The following NEK11 variants were observed in gnomAD, a reference collection of about 807,000 sequenced individuals.
The protein encoded by NEK11 is serine/threonine-protein kinase Nek11.
NEK11 carries 72 observed loss-of-function variants against 80.7 expected under a neutral mutation model. The ratio of observed to expected loss-of-function variants is 0.89; its 90% CI spans 0.74 to 1.08. The LOEUF (loss-of-function observed/expected upper bound fraction) is 1.08, where lower values mean the gene tolerates loss of function less well. Among genes scored for constraint, NEK11 ranks in the 50% least tolerant of loss-of-function variants. The pLI is 0.00. For synonymous variants in NEK11, 251 were observed against 260.7 expected, an observed-to-expected ratio of 0.96 and a Z score of 0.36; for missense variants, 764 against 763.6, an observed-to-expected ratio of 1.00 and a Z score of -0.01.
intron 17 of NEK11, among the ~76,000 whole-genome samples, chr3:131,321,163 A>G (rs2096893607): frequency 6.6e-6 from 1 of 152,186 alleles, no homozygotes; most frequent in African/African-American, 2.4e-5. Context: ...CACATAGACC[A>G]ATGGAACAGA....
At chr3:131,095,532 A>G (rs1171890850) in intron 4 of NEK11, among the ~76,000 whole-genome samples, 1 of 151,044 alleles carries the variant, frequency 6.6e-6, no homozygotes, top group East Asian at 1.9e-4. Context: ...CTGTATATAC[A>G]GTATTTTTTA....
chr3:131,317,417 C>T (rs1402134361), intron 17 of NEK11, among the ~76,000 whole-genome samples: 1 of 152,088 alleles, frequency 6.6e-6, no homozygotes, highest in Non-Finnish European at 1.5e-5. Context: ...ATACACTGCT[C>T]CCACTCATTG....
At chr3:131,038,319 T>C (rs190444620) in intron 3 of NEK11, among the ~76,000 whole-genome samples, 1 of 152,082 alleles carries the variant, frequency 6.6e-6, no homozygotes, top group Admixed American at 6.6e-5. Flanking sequence ...TATTTAAAGT[T>C]TGGGAGATGG....
chr3:131,178,448 T>G (rs1453946134), intron 14 of NEK11, among the ~76,000 whole-genome samples: 1 of 152,256 alleles, frequency 6.6e-6, no homozygotes, highest in Non-Finnish European at 1.5e-5. Context: ...CTTTTTTATA[T>G]CATTCTATAA....
intron 17 of NEK11, among the ~76,000 whole-genome samples, chr3:131,282,569 A>C (rs2096413703): frequency 6.6e-6 from 1 of 152,166 alleles, no homozygotes; most frequent in Admixed American, 6.5e-5. Context: ...GTGAGGGCTG[A>C]AGTCAACTAT....
intron 15 of NEK11, 131 bp downstream of exon 15, chr3:131,228,819 T>A: frequency 1.1e-6 from 1 of 873,602 alleles, no homozygotes; most frequent in Non-Finnish European, 1.7e-6. Flanking sequence ...TAGCTACTTG[T>A]GGTAAGTCTG....
chr3:131,060,308 A>G lies in NEK11; in HGVS notation c.171-20115A>G, dbSNP rs142749620. Among the ~76,000 whole-genome samples, 4 of 152,310 alleles carry G rather than the reference A, an allele frequency of 2.6e-5. No individual in the cohort carries two copies. The East Asian group carries it at 7.7e-4, about 29-fold the overall frequency. ...CACATGGAGTTTTAAACATAAAGGT[A>G]TTGGAGGCCATTTTTAGTGAGAGAA... On this transcript the variant is annotated intron_variant, in intron 3 of 17. Coordinates refer to ENST00000383366, the MANE Select transcript of NEK11 (RefSeq NM_024800.5).
intron 4 of NEK11, among the ~76,000 whole-genome samples, chr3:131,086,055 ATAG>A (rs775204825): frequency 6.6e-6 from 1 of 152,152 alleles, no homozygotes; most frequent in Non-Finnish European, 1.5e-5. Context: ...GACTACTACA[ATAG>A]TAGTATTGTA....
At chr3:131,148,951 A>G (rs6439277) in intron 7 of NEK11, among the ~76,000 whole-genome samples, 123,556 of 151,904 alleles carry the variant, frequency 0.81, 50,344 homozygotes, top group East Asian at 0.85. Context: ...GGTTATTGAG[A>G]TATTCATTGC....
At chr3:131,331,869 A>C (rs1168350674) in intron 17 of NEK11, among the ~76,000 whole-genome samples, 90 of 152,314 alleles carry the variant, frequency 5.9e-4, no homozygotes, top group African/African-American at 2.0e-3. Context: ...TTGCTAGCAC[A>C]GCGGTCTGAG....
chr3:131,046,447 A>C (rs1006719939), intron 3 of NEK11, among the ~76,000 whole-genome samples: 1 of 152,126 alleles, frequency 6.6e-6, no homozygotes, highest in Non-Finnish European at 1.5e-5. Context: ...AGTCCCTTCT[A>C]GTAGGGTGTC....
intron 15 of NEK11, among the ~76,000 whole-genome samples, chr3:131,231,027 C>G (rs2095319522): frequency 6.6e-6 from 1 of 152,098 alleles, no homozygotes; most frequent in Non-Finnish European, 1.5e-5. Context: ...ACTGTGAGGC[C>G]TTTCCAGCCA....
At position 131,192,428 on chromosome 3, in the gene NEK11, C is replaced by T. The variant is rs544178261; in HGVS notation, c.1399+21541C>T. On this transcript the variant is annotated intron_variant, in intron 14 of 17. Coordinates refer to ENST00000383366, the MANE Select transcript of NEK11 (RefSeq NM_024800.5). ...ATTACCATATTTTCCAGCAGTTCCA[C>T]ATGTGATTATATACCCTCCAAAATT... Among the ~76,000 whole-genome samples, 4 of 152,244 alleles carry T rather than the reference C, an allele frequency of 2.6e-5. No individual in the cohort carries two copies. In the South Asian group the frequency reaches 8.3e-4, roughly 32 times the overall value.
chr3:131,332,231 T>G (rs2097101718), intron 17 of NEK11, among the ~76,000 whole-genome samples: 3 of 152,214 alleles, frequency 2.0e-5, no homozygotes, highest in Non-Finnish European at 4.4e-5. Flanking sequence ...AGGGGCACAC[T>G]GACACCTCAC....
chr3:131,297,428 T>C (rs959004968), intron 17 of NEK11, among the ~76,000 whole-genome samples: 1 of 151,802 alleles, frequency 6.6e-6, no homozygotes, highest in African/African-American at 2.4e-5. Flanking sequence ...ATGAGCATTT[T>C]TTCATGTGTT....
chr3:131,273,714 A>G (rs1162664891), intron 17 of NEK11, 140 bp downstream of exon 17: 1 of 600,946 alleles, frequency 1.7e-6, no homozygotes, highest in Non-Finnish European at 3.0e-6. Context: ...GTTCCAACTT[A>G]GAAACTTCTC....
chr3:131,195,228 G>A (rs1283068106), intron 14 of NEK11, among the ~76,000 whole-genome samples: 2 of 151,996 alleles, frequency 1.3e-5, no homozygotes, highest in Non-Finnish European at 2.9e-5. Context: ...GGCCTATAAG[G>A]CCCCTGCCTG....
At chr3:131,171,770 G>A (rs1159164240) in intron 14 of NEK11, among the ~76,000 whole-genome samples, 1 of 152,150 alleles carries the variant, frequency 6.6e-6, no homozygotes, top group African/African-American at 2.4e-5. Flanking sequence ...CAATATAGGT[G>A]TCTTCTCAGT....
chr3:131,077,770 A>C (rs1326141541), intron 3 of NEK11, among the ~76,000 whole-genome samples: 1 of 152,180 alleles, frequency 6.6e-6, no homozygotes, highest in African/African-American at 2.4e-5. Context: ...AATCTTCAGT[A>C]GTTAAAAAAA....
Sources: allele counts gnomAD v4.1 joint callset (sites outside exome capture counted in the v4.1 genomes callset), GRCh38; gene constraint gnomAD v4.1.1; transcripts MANE v1.5; gene names NCBI Gene and HGNC (gene_info 2026-07-23, HGNC 2026-07-21).